The following OPCML variants were observed in gnomAD, a reference collection of about 807,000 sequenced individuals.
OPCML encodes the protein opioid binding protein/cell adhesion molecule like.
Under a neutral mutation model 37.8 loss-of-function variants are expected in OPCML, and 13 were observed. The ratio of observed to expected loss-of-function variants is 0.34; its 90% confidence interval spans 0.22 to 0.55. The LOEUF (loss-of-function observed/expected upper bound fraction) is 0.55. Ranked by LOEUF, OPCML falls within the 20% of genes least tolerant of loss-of-function variation. The pLI is 0.91. For synonymous variants in OPCML, 176 were observed against 168.8 expected (o/e 1.04, Z -0.33); for missense variants, 341 against 435.6 (o/e 0.78, Z 1.93).
At position 133,206,533 on chromosome 11, in the gene OPCML, C is replaced by G. The variant is rs1939069281; in HGVS notation, c.62-263523G>C. Among the ~76,000 whole-genome samples, 1 of 152,190 alleles carries G rather than the reference C, an allele frequency of 6.6e-6. No individual in the cohort carries two copies. The highest frequency in any genetic ancestry group is 2.4e-5 in the African/African-American group (1 of 41,448). On this transcript the variant is annotated intron_variant, in intron 1 of 7. Transcript: ENST00000524381. The surrounding 1 kb of genome is among the most constrained non-coding windows in gnomAD (Gnocchi z 4.7). ...AAGAGAGGAAGAGAAACACCCTGTA[C>G]TCTCAGAAACATTTGCATATCTAAG...
chr11:132,762,666 A>G (rs1946305021), intron 2 of OPCML, among the ~76,000 whole-genome samples: 1 of 152,022 alleles, frequency 6.6e-6, no homozygotes, highest in Non-Finnish European at 1.5e-5. Context: ...CCGTCCCCCC[A>G]CCAAGCTCGA....
At chr11:132,855,669 T>C (rs1015401021) in intron 2 of OPCML, among the ~76,000 whole-genome samples, 1 of 152,216 alleles carries the variant, frequency 6.6e-6, no homozygotes, top group Non-Finnish European at 1.5e-5. Flanking sequence ...AGCCTTCAGA[T>C]GTCTGCAGAC....
intron 1 of OPCML, among the ~76,000 whole-genome samples, chr11:133,224,314 C>T (rs1485200133): frequency 6.6e-6 from 1 of 152,206 alleles, no homozygotes; most frequent in Non-Finnish European, 1.5e-5. Context: ...ATGTGTGTGG[C>T]CCCAGGGATG....
intron 1 of OPCML, among the ~76,000 whole-genome samples, chr11:133,243,813 C>T (rs367643116): frequency 5.9e-5 from 9 of 152,194 alleles, no homozygotes; most frequent in African/African-American, 2.2e-4. Context: ...ACAGCACAGT[C>T]GGAAAAGCAA....
chr11:133,531,415 TG>T (rs1347881880), intron 1 of OPCML, among the ~76,000 whole-genome samples: 1 of 152,166 alleles, frequency 6.6e-6, no homozygotes, highest in Non-Finnish European at 1.5e-5. Flanking sequence ...GGGAAGGGGC[TG>T]GGGAGAATCA....
At chr11:133,513,450 T>C (rs974331690) in intron 1 of OPCML, among the ~76,000 whole-genome samples, 1 of 152,200 alleles carries the variant, frequency 6.6e-6, no homozygotes, top group African/African-American at 2.4e-5. Context: ...TCCCCAAACA[T>C]CAGTGCATGT....
chr11:133,068,666 T>C (rs1466287984), intron 1 of OPCML, among the ~76,000 whole-genome samples: 3 of 152,206 alleles, frequency 2.0e-5, no homozygotes, highest in Non-Finnish European at 4.4e-5. Flanking sequence ...TGAGGAAAAC[T>C]CTAGGTCCTT....
At chr11:132,857,961 GA>G (rs1464578528) in intron 2 of OPCML, among the ~76,000 whole-genome samples, 1 of 152,122 alleles carries the variant, frequency 6.6e-6, no homozygotes, top group African/African-American at 2.4e-5. Context: ...GGTGAGCACT[GA>G]ACCCCGAGGC....
chr11:132,945,308 T>G (rs1441475369), intron 1 of OPCML, among the ~76,000 whole-genome samples: 2 of 152,262 alleles, frequency 1.3e-5, no homozygotes, highest in East Asian at 3.9e-4. Flanking sequence ...TAGAGCCTAT[T>G]GCTCCTTGGC....
At chr11:133,265,706 G>A (rs1352486461) in intron 1 of OPCML, among the ~76,000 whole-genome samples, 1 of 152,162 alleles carries the variant, frequency 6.6e-6, no homozygotes, top group East Asian at 1.9e-4. Context: ...GTGTCTGAAG[G>A]AGTCAGGCTG....
chr11:133,306,135 A>G (rs1158775818), intron 1 of OPCML, among the ~76,000 whole-genome samples: 1 of 152,200 alleles, frequency 6.6e-6, no homozygotes, highest in Non-Finnish European at 1.5e-5. Context: ...CCTAACTGGC[A>G]TACATCAGTA....
At chr11:133,120,109 G>A (rs1949397834) in intron 1 of OPCML, among the ~76,000 whole-genome samples, 1 of 152,132 alleles carries the variant, frequency 6.6e-6, no homozygotes, top group African/African-American at 2.4e-5. Context: ...TAAGAGCTGA[G>A]GTCTACAGTG....
At chr11:132,469,252 A>G (rs952311409) in intron 4 of OPCML, among the ~76,000 whole-genome samples, 1 of 152,206 alleles carries the variant, frequency 6.6e-6, no homozygotes, top group Non-Finnish European at 1.5e-5. Flanking sequence ...AAACAAAATC[A>G]CAATTTAAAA....
chr11:132,895,533 C>T (rs537663035), intron 2 of OPCML, among the ~76,000 whole-genome samples: 11 of 152,152 alleles, frequency 7.2e-5, no homozygotes, highest in Non-Finnish European at 1.0e-4. Flanking sequence ...GCTCCGCAGG[C>T]GTCTGTGGTT....
chr11:133,387,061 T>C (rs1945071376), intron 1 of OPCML, among the ~76,000 whole-genome samples: 2 of 152,218 alleles, frequency 1.3e-5, no homozygotes, highest in South Asian at 4.1e-4. Context: ...GCCCTCAGCC[T>C]GGGCTCTCTG....
At chr11:133,463,882 A>G (rs2136991344) in intron 1 of OPCML, among the ~76,000 whole-genome samples, 1 of 152,330 alleles carries the variant, frequency 6.6e-6, no homozygotes, top group East Asian at 1.9e-4. Context: ...TAGATCTTCA[A>G]CAAAGCGGGG....
At chr11:132,784,132 A>G (rs10894605) in intron 2 of OPCML, among the ~76,000 whole-genome samples, 53,569 of 152,002 alleles carry the variant, frequency 0.35, 9,906 homozygotes, top group Non-Finnish European at 0.42. Context: ...AAACCAACCC[A>G]GCTATCCACA....
chr11:132,440,962 C>T (rs369114791), intron 4 of OPCML, among the ~76,000 whole-genome samples: 8 of 151,856 alleles, frequency 5.3e-5, no homozygotes, highest in African/African-American at 1.9e-4. Flanking sequence ...ATGTTTTAAT[C>T]CTCTTTACTA....
At chr11:133,012,146 C>T (rs7925953) in intron 1 of OPCML, among the ~76,000 whole-genome samples, 56 of 151,994 alleles carry the variant, frequency 3.7e-4, no homozygotes, top group African/African-American at 1.3e-3. Context: ...GGAGGGGGCA[C>T]GGTATTATTT....
Sources: allele counts gnomAD v4.1 joint callset (sites outside exome capture counted in the v4.1 genomes callset), GRCh38; gene constraint gnomAD v4.1.1; non-coding constraint Gnocchi (gnomAD v3.1); transcripts MANE v1.5; gene names NCBI Gene and HGNC (gene_info 2026-07-23, HGNC 2026-07-21).